Variants in SECISBP2 observed in about 807,000 individuals in gnomAD.
The protein encoded by SECISBP2 is SECIS binding protein 2.
A neutral mutation model predicts 98.2 loss-of-function variants in SECISBP2; 96 were observed. The observed-to-expected ratio is 0.98, with a 90% CI of 0.83 to 1.16. SECISBP2 has a LOEUF of 1.16. Ranked by LOEUF, SECISBP2 falls within the 50% of genes most tolerant of loss-of-function variation. The pLI is 0.00. For missense variants in SECISBP2, 1,046 were observed against 1,022.9 expected (o/e 1.02, Z -0.31); for synonymous variants, 407 against 370.2 (o/e 1.10, Z -1.14).
intron 5 of SECISBP2, chr9:89,332,688 A>C (rs1474308893): frequency 1.8e-6 from 1 of 566,350 alleles, no homozygotes; most frequent in East Asian, 3.0e-5. Flanking sequence ...GATAATTACC[A>C]AGGAGTGCAG....
At position 89,341,483 on chromosome 9, in the gene SECISBP2, A is replaced by G; in HGVS notation, c.1435+4A>G. On this transcript the variant is annotated splice_donor_region_variant and intron_variant, in intron 10 of 16. Coordinates refer to ENST00000375807, the MANE Select transcript of SECISBP2 (RefSeq NM_024077.5). ...TCCAAACCAGTGGTAGTCTCAGGTAAGAGAGTCTTTCCATCTCAGGCAAGT... is the reference window on the plus strand; with the variant it reads ...TCCAAACCAGTGGTAGTCTCAGGTAGGAGAGTCTTTCCATCTCAGGCAAGT... 1.2e-6 allele frequency: 2 copies of G among 1,613,934 alleles called. No individual in the cohort carries two copies. The highest frequency in any genetic ancestry group is 1.7e-6 in the Non-Finnish European group (2 of 1,179,998).
Position 89,326,003 on chromosome 9 carries a change from A to T in SECISBP2, c.539A>T (p.His180Leu). 6.2e-7 allele frequency: 1 copy of T among 1,613,836 alleles called. No homozygotes were observed. Among genetic ancestry groups the T allele is most frequent in the Non-Finnish European group, 8.5e-7 (1 of 1,180,020 alleles). The change falls in exon 4 of 17, where the codon CAT (histidine) becomes CTT (leucine). Residue 180 changes from histidine (H) to leucine (L), a missense_variant. His to Leu is a moderately conservative substitution (Grantham distance 99). Coordinates refer to ENST00000375807, the MANE Select transcript of SECISBP2 (RefSeq NM_024077.5). ...ATAAAATCAGCTAGAGGTTCACATC[A>T]TTTGTCCATTTACGCTGAGAATAGT... ...SEIKSARGSHHLSIYAENSLK... is the reference protein window; with the variant it reads ...SEIKSARGSHLLSIYAENSLK...
chr9:89,362,852 G>T (rs143752641), downstream of SECISBP2, among the ~76,000 whole-genome samples: 202 of 152,316 alleles, frequency 1.3e-3, no homozygotes, highest in Middle Eastern at 6.8e-3. Context: ...CCCTGCCTTT[G>T]CCTTCTGTAT....
chr9:89,341,130 T>C (rs1166853992), intron 9 of SECISBP2, among the ~76,000 whole-genome samples: 2 of 152,314 alleles, frequency 1.3e-5, no homozygotes, highest in Non-Finnish European at 2.9e-5. Context: ...TGATTTAATA[T>C]AAACCCAATG....
chr9:89,320,384 C>T (rs369774400), intron 2 of SECISBP2, among the ~76,000 whole-genome samples: 2,953 of 148,916 alleles, frequency 0.02, 44 homozygotes, highest in Non-Finnish European at 0.029. Flanking sequence ...AAAAAAATCC[C>T]GTTTCAAGGT....
In SECISBP2 at chr9:89,359,167, AAGTG is replaced by A. The variant is rs1261297764; in HGVS notation, c.*351_*354del. 7 of 343,424 alleles carry A rather than the reference AAGTG, an allele frequency of 2.0e-5. No homozygotes were observed. Among genetic ancestry groups the A allele is most frequent in the Non-Finnish European group, 3.9e-5 (7 of 178,328 alleles). The allele number at this position is 343,424 out of a possible 1,614,324, so 21.3% of individuals were successfully genotyped here. A position where few individuals can be genotyped will look rare whatever the true frequency, so the allele number is the denominator to read the frequency against. ...CTCTCCATTGCAGAATAGCTGAGCC[AAGTG>A]AGTGAGTTTGCAGAAAGCAGGTGGT... On this transcript the variant is annotated 3_prime_UTR_variant, in exon 17 of 17. Coordinates refer to ENST00000375807, the MANE Select transcript of SECISBP2 (RefSeq NM_024077.5).
intron 14 of SECISBP2, among the ~76,000 whole-genome samples, chr9:89,356,002 T>G (rs1032512753): frequency 6.6e-6 from 1 of 152,234 alleles, no homozygotes; most frequent in African/African-American, 2.4e-5. Context: ...TTTTTATTTC[T>G]TAGTGAAATC....
At chr9:89,330,772 C>T (rs180887057) in intron 5 of SECISBP2, among the ~76,000 whole-genome samples, 26 of 152,364 alleles carry the variant, frequency 1.7e-4, no homozygotes, top group South Asian at 6.2e-4. Flanking sequence ...AGCCACGGCG[C>T]TGCCGGTCTT....
intron 4 of SECISBP2, among the ~76,000 whole-genome samples, chr9:89,327,568 C>T (rs1198770782): frequency 6.6e-6 from 1 of 151,842 alleles, no homozygotes; most frequent in Non-Finnish European, 1.5e-5. Context: ...TTTTTTTTAA[C>T]TTTCTACACT....
chr9:89,328,926 C>T, intron 5 of SECISBP2, 40 bp downstream of exon 5: 1 of 1,466,158 alleles, frequency 6.8e-7, no homozygotes, highest in Non-Finnish European at 9.5e-7. Flanking sequence ...TTCCTTTGTA[C>T]ACTTTAAATT....
chr9:89,331,576 A>AC (rs533014848), intron 5 of SECISBP2, among the ~76,000 whole-genome samples: 5 of 151,868 alleles, frequency 3.3e-5, no homozygotes, highest in East Asian at 1.9e-4. Flanking sequence ...AATATACTCG[A>AC]CCCCCCCATA....
the SECISBP2 span, chr9:89,365,211 G>A: frequency 6.6e-6 from 1 of 152,566 alleles, no homozygotes; most frequent in Non-Finnish European, 1.5e-5. Flanking sequence ...GTTGAGCTGG[G>A]AGGGCCAGGC....
chr9:89,361,605 C>T (rs4876978), downstream of SECISBP2: 50,299 of 152,008 alleles, frequency 0.33, 8,628 homozygotes, highest in South Asian at 0.44. Context: ...CTCATTCCAT[C>T]GTCAAGAAAT....
the SECISBP2 span, chr9:89,364,951 C>CGG: frequency 1.7e-5 from 1 of 59,594 alleles, no homozygotes; most frequent in Non-Finnish European, 3.4e-5. Flanking sequence ...GGGTTTTGGG[C>CGG]GGGGGGGAGG....
rs527418221 is a variant in SECISBP2 at position 89,346,932 on chromosome 9, C to T, written c.1486C>T (p.Arg496Cys). Reference protein sequence around the residue: ...SKECASGERGRRMSQMKTPHN... With the variant: ...SKECASGERGCRMSQMKTPHN... ...AGAATGTGCATCAGGGGAGAGAGGC[C>T]GCCGCATGAGTCAAATGAAGACCCC... Residue 496 changes from arginine to cysteine, a missense_variant, in exon 11 of 17, where the codon CGC becomes TGC. By Grantham distance (180) the Arg-to-Cys change is radical (BLOSUM62 -3). Coordinates refer to ENST00000375807, the MANE Select transcript of SECISBP2 (RefSeq NM_024077.5). 1.8e-4 allele frequency: 290 copies of T among 1,614,092 alleles called. 5 individuals are homozygous for T. The South Asian group carries it at 2.8e-3, about 15-fold the overall frequency.
At chr9:89,324,444 A>G (rs962734194) in intron 2 of SECISBP2, 6 of 152,262 alleles carry the variant, frequency 3.9e-5, no homozygotes, top group African/African-American at 1.4e-4. Context: ...ATGATTAAGT[A>G]CTGGATAGAA....
intron 5 of SECISBP2, chr9:89,329,620 T>A (rs1404314514): frequency 6.6e-6 from 1 of 152,234 alleles, no homozygotes; most frequent in Non-Finnish European, 1.5e-5. Context: ...TGCCACCATA[T>A]CTGGCTAATT....
chr9:89,365,674 C>G, the SECISBP2 span: 2 of 152,226 alleles, frequency 1.3e-5, no homozygotes, highest in African/African-American at 4.8e-5. Context: ...CAAAAGAGTC[C>G]AAAGTACCTG....
chr9:89,338,628 T>G (rs1829170253), intron 8 of SECISBP2, 48 bp downstream of exon 8: 2 of 1,581,160 alleles, frequency 1.3e-6, no homozygotes, highest in African/African-American at 2.7e-5. Context: ...TAAGTGGGTC[T>G]TTCTTAAAAG....
Sources: gnomAD v4.1 joint callset for allele counts (sites outside exome capture counted in the v4.1 genomes callset) on GRCh38, gnomAD v4.1.1 for gene constraint, MANE v1.5 for transcripts, NCBI Gene and HGNC (gene_info 2026-07-23, HGNC 2026-07-21) for gene names.